PDE4D: variants seen among roughly 807,000 people sequenced by gnomAD.
PDE4D encodes the protein phosphodiesterase 4D, also known as 3',5'-cyclic-AMP phosphodiesterase 4D.
A neutral mutation model predicts 87.4 loss-of-function variants in PDE4D; 24 were observed. The ratio of observed to expected loss-of-function variants is 0.27; its 90% CI spans 0.20 to 0.39. The LOEUF (loss-of-function observed/expected upper bound fraction) is 0.39, where lower values mean the gene tolerates loss of function less well. PDE4D is among the 10% of genes least tolerant of loss of function. The pLI is 1.00. For synonymous variants in PDE4D, 384 were observed against 383.2 expected (o/e 1.00, Z -0.02); for missense variants, 714 against 1,041.0 (o/e 0.69, Z 4.32).
chr5:60,030,213 G>A (rs1767089044), intron 2 of PDE4D, among the ~76,000 whole-genome samples: 1 of 152,106 alleles, frequency 6.6e-6, no homozygotes, highest in African/African-American at 2.4e-5. Context: ...CACTTTGGGA[G>A]GCCGAGGCGG....
chr5:59,712,804 T>C (rs1194575846), intron 1 of PDE4D, among the ~76,000 whole-genome samples: 1 of 152,136 alleles, frequency 6.6e-6, no homozygotes, highest in Non-Finnish European at 1.5e-5. Context: ...ATAATAACAT[T>C]GGTGGACAAG....
chr5:60,417,996 C>A (rs1221224817), intron 1 of PDE4D, among the ~76,000 whole-genome samples: 1 of 152,040 alleles, frequency 6.6e-6, no homozygotes, highest in South Asian at 2.1e-4. Context: ...CAGACAAGAA[C>A]CTGAAAAAGA....
chr5:60,015,066 G>T (rs1171741357), intron 2 of PDE4D, among the ~76,000 whole-genome samples: 1 of 152,132 alleles, frequency 6.6e-6, no homozygotes, highest in Admixed American at 6.5e-5. Context: ...TTTCTTGCTA[G>T]CGATACAACA....
At chr5:59,059,421 C>T (rs1246424746) in intron 5 of PDE4D, among the ~76,000 whole-genome samples, 1 of 152,184 alleles carries the variant, frequency 6.6e-6, no homozygotes, top group African/African-American at 2.4e-5. Flanking sequence ...GGAACACAGT[C>T]TTGTTAGAAC....
chr5:59,591,713 T>C (rs1825945759), intron 1 of PDE4D, among the ~76,000 whole-genome samples: 1 of 152,196 alleles, frequency 6.6e-6, no homozygotes, highest in Non-Finnish European at 1.5e-5. Context: ...GTCCCTTAGA[T>C]GTCAAAAACA....
At chr5:59,429,658 T>G (rs924230695) in intron 1 of PDE4D, among the ~76,000 whole-genome samples, 2 of 152,180 alleles carry the variant, frequency 1.3e-5, no homozygotes, top group African/African-American at 4.8e-5. Context: ...CTGAAGTTCA[T>G]TGTTAATTGC....
At chr5:59,234,005 A>C (rs982106075) in intron 1 of PDE4D, among the ~76,000 whole-genome samples, 1 of 152,166 alleles carries the variant, frequency 6.6e-6, no homozygotes, top group Non-Finnish European at 1.5e-5. Context: ...TGCCAGGTCC[A>C]CAGCCAAGAT....
chr5:60,044,142 A>G (rs1768873617), intron 2 of PDE4D, among the ~76,000 whole-genome samples: 2 of 152,014 alleles, frequency 1.3e-5, no homozygotes, highest in Admixed American at 1.3e-4. Context: ...TCAAATAGCT[A>G]AAAGAGGAGA....
intron 1 of PDE4D, among the ~76,000 whole-genome samples, chr5:59,257,760 G>C (rs1409282751): frequency 6.6e-6 from 1 of 151,960 alleles, no homozygotes; most frequent in African/African-American, 2.4e-5. Context: ...TCAAACTCTT[G>C]GGAGGGTCTT....
chr5:60,315,701 A>G (rs1051230506), intron 1 of PDE4D, among the ~76,000 whole-genome samples: 4 of 152,334 alleles, frequency 2.6e-5, no homozygotes, highest in Non-Finnish European at 4.4e-5. Context: ...AGCTTTCTAC[A>G]TATGGCTAGC....
At chr5:59,116,866 A>G (rs1331047742) in intron 5 of PDE4D, among the ~76,000 whole-genome samples, 1 of 152,202 alleles carries the variant, frequency 6.6e-6, no homozygotes, top group African/African-American at 2.4e-5. Flanking sequence ...TCCCATTCCA[A>G]GTCTCCATGT....
chr5:59,145,309 G>A (rs1778471758), intron 5 of PDE4D, among the ~76,000 whole-genome samples: 1 of 152,124 alleles, frequency 6.6e-6, no homozygotes, highest in South Asian at 2.1e-4. Context: ...TGGCAGGCTG[G>A]AAAATGTGTG....
intron 6 of PDE4D, among the ~76,000 whole-genome samples, chr5:58,999,292 C>A (rs1580192786): frequency 6.6e-6 from 1 of 152,012 alleles, no homozygotes; most frequent in South Asian, 2.1e-4. Flanking sequence ...TCTAAAAAAG[C>A]TATTTTAACA....
At chr5:60,047,199 G>T (rs544824467) in intron 2 of PDE4D, among the ~76,000 whole-genome samples, 1 of 152,082 alleles carries the variant, frequency 6.6e-6, no homozygotes, top group African/African-American at 2.4e-5. Flanking sequence ...TATTTCTGTC[G>T]GATTGGTGGT....
chr5:60,030,776 G>A (rs1290796606), intron 2 of PDE4D: 1 of 152,088 alleles, frequency 6.6e-6, no homozygotes, highest in African/African-American at 2.4e-5. Flanking sequence ...ATAAATAAAT[G>A]AATTTAAAAA....
chr5:59,144,057 A>G (rs11955845), intron 5 of PDE4D, among the ~76,000 whole-genome samples: 24,999 of 152,244 alleles, frequency 0.16, 2,135 homozygotes, highest in African/African-American at 0.19. Flanking sequence ...TTTAAAGATC[A>G]CAGATCCAAA....
intron 1 of PDE4D, among the ~76,000 whole-genome samples, chr5:60,513,536 C>G (rs1750665860): frequency 6.6e-6 from 1 of 151,948 alleles, no homozygotes; most frequent in African/African-American, 2.4e-5. Context: ...AAAATAGTCA[C>G]CAGTTATAGA....
intron 1 of PDE4D, among the ~76,000 whole-genome samples, chr5:60,203,620 A>C (rs1267573723): frequency 6.6e-6 from 1 of 152,196 alleles, no homozygotes; most frequent in Non-Finnish European, 1.5e-5. Context: ...ATATGTTTTT[A>C]AGTACAGAAA....
intron 2 of PDE4D, among the ~76,000 whole-genome samples, chr5:60,124,110 T>C (rs917989172): frequency 3.9e-5 from 6 of 152,216 alleles, no homozygotes; most frequent in African/African-American, 1.4e-4. Flanking sequence ...TTGGGTCTGA[T>C]TGGCCCTAGT....
Sources: gnomAD v4.1 joint callset for allele counts (sites outside exome capture counted in the v4.1 genomes callset) on GRCh38, gnomAD v4.1.1 for gene constraint, MANE v1.5 for transcripts, NCBI Gene and HGNC (gene_info 2026-07-23, HGNC 2026-07-21) for gene names.